DOK6: variants seen among roughly 807,000 people sequenced by gnomAD.
DOK6 encodes the protein downstream of tyrosine kinase 6.
DOK6 carries 22 observed loss-of-function variants against 44.0 expected under a neutral mutation model. The ratio of observed to expected loss-of-function variants is 0.50; its 90% CI spans 0.36 to 0.71. The LOEUF is 0.71. Ranked by LOEUF, DOK6 falls within the 30% of genes least tolerant of loss-of-function variation. The pLI is 0.00. For missense variants in DOK6, 340 were observed against 416.4 expected, an observed-to-expected ratio of 0.82 and a Z score of 1.60; for synonymous variants, 166 against 145.5, an observed-to-expected ratio of 1.14 and a Z score of -1.01.
chr18:69,806,615 T>C (rs1981058535), intron 7 of DOK6, among the ~76,000 whole-genome samples: 1 of 151,988 alleles, frequency 6.6e-6, no homozygotes, highest in African/African-American at 2.4e-5. Context: ...CATTTTGATT[T>C]AATTTTCTAA....
At chr18:69,791,788 G>C (rs903655000) in intron 7 of DOK6, among the ~76,000 whole-genome samples, 18 of 152,072 alleles carry the variant, frequency 1.2e-4, no homozygotes, top group Non-Finnish European at 2.5e-4. Flanking sequence ...TGCTTGGGTT[G>C]TCTGTGTTTG....
At chr18:69,707,841 C>A (rs1331134885) in intron 5 of DOK6, among the ~76,000 whole-genome samples, 1 of 152,046 alleles carries the variant, frequency 6.6e-6, no homozygotes, top group Non-Finnish European at 1.5e-5. Flanking sequence ...AAACGGGCAC[C>A]AAGTTTAATT....
At chr18:69,533,650 ACTT>A (rs1234857287) in intron 1 of DOK6, among the ~76,000 whole-genome samples, 4 of 100,760 alleles carry the variant, frequency 4.0e-5, no homozygotes, top group African/African-American at 1.9e-4. Flanking sequence ...ATGTACTTAA[ACTT>A]AAGTTATGAG....
intron 5 of DOK6, among the ~76,000 whole-genome samples, chr18:69,734,369 G>A (rs1312157137): frequency 1.0e-5 from 1 of 96,518 alleles, no homozygotes; most frequent in African/African-American, 3.8e-5. Context: ...GTCTGACTCA[G>A]AGTAACCAAT....
chr18:69,486,148 GTAA>G (rs749948589), intron 1 of DOK6, among the ~76,000 whole-genome samples: 74 of 151,582 alleles, frequency 4.9e-4, no homozygotes, highest in Non-Finnish European at 9.3e-4. Flanking sequence ...ATTATTATAA[GTAA>G]TAATGTCTAC....
chr18:69,495,969 G>C (rs142204961), intron 1 of DOK6, among the ~76,000 whole-genome samples: 3 of 152,212 alleles, frequency 2.0e-5, no homozygotes, highest in Admixed American at 2.0e-4. Context: ...AATGGAGAGA[G>C]GGAAGGCAGC....
intron 4 of DOK6, among the ~76,000 whole-genome samples, chr18:69,678,147 G>T (rs567686395): frequency 3.3e-5 from 5 of 152,216 alleles, no homozygotes; most frequent in African/African-American, 1.2e-4. Flanking sequence ...TTCTTGGGAG[G>T]CTGGAGCATG....
intron 1 of DOK6, among the ~76,000 whole-genome samples, chr18:69,563,878 C>T (rs1169417020): frequency 1.3e-5 from 2 of 151,686 alleles, no homozygotes; most frequent in African/African-American, 2.4e-5. Context: ...AAAGTAATGC[C>T]TATTTTACAT....
chr18:69,698,646 G>A, intron 5 of DOK6, 53 bp downstream of exon 5: 2 of 1,541,966 alleles, frequency 1.3e-6, no homozygotes, highest in South Asian at 2.5e-5. Context: ...AACAGAGTCT[G>A]TATAACAGAG....
chr18:69,411,848 C>T (rs1978307568), intron 1 of DOK6, among the ~76,000 whole-genome samples: 1 of 152,192 alleles, frequency 6.6e-6, no homozygotes, highest in Middle Eastern at 3.4e-3. Flanking sequence ...TAATTACTAC[C>T]TTATCTCAAA....
chr18:69,702,800 C>A (rs905273898), intron 5 of DOK6, among the ~76,000 whole-genome samples: 1 of 152,074 alleles, frequency 6.6e-6, no homozygotes, highest in African/African-American at 2.4e-5. Flanking sequence ...AGAAATCATT[C>A]TTGATTTAAT....
chr18:69,624,159 A>G (rs1984503908), intron 3 of DOK6, among the ~76,000 whole-genome samples: 1 of 152,138 alleles, frequency 6.6e-6, no homozygotes, highest in African/African-American at 2.4e-5. Flanking sequence ...AATTTATTGG[A>G]CCCTATAATT....
At chr18:69,459,358 T>A (rs1159495050) in intron 1 of DOK6, among the ~76,000 whole-genome samples, 2 of 152,098 alleles carry the variant, frequency 1.3e-5, no homozygotes, top group Non-Finnish European at 2.9e-5. Context: ...TGTTTCTTAT[T>A]TAAAATCTAT....
intron 1 of DOK6, among the ~76,000 whole-genome samples, chr18:69,428,068 C>A (rs972276476): frequency 6.6e-6 from 1 of 152,056 alleles, no homozygotes; most frequent in East Asian, 1.9e-4. Context: ...GTGAGCCATC[C>A]GGCCTGGCCT....
chr18:69,558,329 T>G (rs933006079), intron 1 of DOK6, among the ~76,000 whole-genome samples: 2 of 152,192 alleles, frequency 1.3e-5, no homozygotes, highest in Non-Finnish European at 2.9e-5. Flanking sequence ...TGACTCATGC[T>G]TAATTTGATT....
chr18:69,483,105 T>G (rs1980476049), intron 1 of DOK6, among the ~76,000 whole-genome samples: 1 of 151,896 alleles, frequency 6.6e-6, no homozygotes, highest in South Asian at 2.1e-4. Flanking sequence ...TTTCTCATCA[T>G]TTAGCTCCCA....
Position 69,465,085 on chromosome 18 carries a change from A to G in DOK6, c.66+63775A>G, listed in dbSNP as rs1228890302. 2.0e-5 allele frequency among the ~76,000 whole-genome samples: 3 copies of G among 152,196 alleles called. No individual in the cohort carries two copies. The South Asian group carries it at 6.2e-4, about 31-fold the overall frequency. On this transcript the variant is annotated intron_variant, in intron 1 of 7. Coordinates refer to ENST00000382713, the MANE Select transcript of DOK6 (RefSeq NM_152721.6). The stretch of plus-strand genomic sequence containing the variant: ...TCACACCTAAAGTTTGTTTAACCCA[A>G]TAATGGGGGAAAATATTGTACATAC...
intron 4 of DOK6, among the ~76,000 whole-genome samples, chr18:69,684,953 C>G (rs567641742): frequency 6.6e-6 from 1 of 152,252 alleles, no homozygotes; most frequent in African/African-American, 2.4e-5. Flanking sequence ...TATTGGCATA[C>G]AGGCGCATAC....
chr18:69,838,242 A>G (rs914974300), intron 7 of DOK6, among the ~76,000 whole-genome samples: 1 of 151,878 alleles, frequency 6.6e-6, no homozygotes, highest in African/African-American at 2.4e-5. Flanking sequence ...AACTTTAAAA[A>G]AAAAAAAAAA....
Sources: gnomAD v4.1 joint callset for allele counts (sites outside exome capture counted in the v4.1 genomes callset) on GRCh38, gnomAD v4.1.1 for gene constraint, MANE v1.5 for transcripts, NCBI Gene and HGNC (gene_info 2026-07-23, HGNC 2026-07-21) for gene names.